Variants in TBC1D9 observed in about 807,000 individuals in gnomAD.
The protein encoded by TBC1D9 is TBC1 domain family member 9.
TBC1D9 carries 63 observed loss-of-function variants against 132.0 expected under a neutral mutation model. That is an observed-to-expected ratio of 0.48 (90% CI 0.39 to 0.59). TBC1D9 has a LOEUF of 0.59. Among genes scored for constraint, TBC1D9 ranks in the 20% least tolerant of loss-of-function variants. The probability of loss-of-function intolerance (pLI) is 0.00; values close to 1 mark genes in which losing one functional copy is unlikely to be tolerated. For synonymous variants in TBC1D9, 610 were observed against 609.9 expected, an observed-to-expected ratio of 1.00 and a Z score of 0.00; for missense variants, 1,261 against 1,592.7, an observed-to-expected ratio of 0.79 and a Z score of 3.54.
chr4:140,692,506 T>C (rs1292666948), intron 2 of TBC1D9, among the ~76,000 whole-genome samples: 1 of 152,190 alleles, frequency 6.6e-6, no homozygotes, highest in Non-Finnish European at 1.5e-5. Context: ...TTGTACTTTC[T>C]ACATCCAGAA....
At chr4:140,660,047 A>G (rs1737333017) in intron 10 of TBC1D9, among the ~76,000 whole-genome samples, 2 of 152,368 alleles carry the variant, frequency 1.3e-5, no homozygotes, top group African/African-American at 4.8e-5. Context: ...AAAGCTTTTA[A>G]CCTGCTAAAA....
intron 6 of TBC1D9, among the ~76,000 whole-genome samples, chr4:140,671,397 T>G (rs116799843): frequency 1.2e-3 from 186 of 152,314 alleles, no homozygotes; most frequent in Admixed American, 2.5e-3. Context: ...AGGAATTATT[T>G]GATTTTCATT....
chr4:140,657,204 T>C lies in TBC1D9; in HGVS notation c.2230A>G (p.Lys744Glu), dbSNP rs1484767368. The C allele has an allele frequency of 5.6e-6, 9 of 1,613,772 alleles. No individual in the cohort carries two copies. In the Admixed American group the frequency reaches 1.3e-4, roughly 24 times the overall value. The stretch of plus-strand genomic sequence containing the variant: ...GGAATGGGAGGCAGTGTGCTGTCTT[T>C]ATTGGTCACACTGTCTAAATACCTG... ...LGRYLDSVTN[K>E]DSTLPPIPHL... The change falls in exon 13 of 21, where the codon AAA becomes GAA. Residue 744 changes from lysine (K) to glutamate (E), a missense_variant. Physicochemically the swap from Lys to Glu is moderately conservative, Grantham distance 56. This residue lies in a region of TBC1D9 where 618 missense variants were observed against 724.4 expected (regional missense o/e 0.85). Coordinates refer to ENST00000442267, the MANE Select transcript of TBC1D9 (RefSeq NM_015130.3).
At chr4:140,679,958 CCT>C in intron 3 of TBC1D9, 115 bp from the exon 4 acceptor site, 2 of 768,978 alleles carry the variant, frequency 2.6e-6, no homozygotes, top group Non-Finnish European at 4.0e-6. Flanking sequence ...TGAGGAATGC[CCT>C]TCAATGGCAA....
rs1047871064 is a variant in TBC1D9, at chr4:140,668,176, G to A, written c.1588+741C>T. On this transcript the variant is annotated intron_variant, in intron 9 of 20. Transcript: ENST00000442267. ...TCCCTGGGATACACTCAGTGCTTTCGGATGGGAGGAAGCAGTGTGAGCTTA... is the reference window on the plus strand; with the variant it reads ...TCCCTGGGATACACTCAGTGCTTTCAGATGGGAGGAAGCAGTGTGAGCTTA... Among the ~76,000 whole-genome samples the A allele has an allele frequency of 3.3e-5, 5 of 152,302 alleles. No homozygotes were observed. In the South Asian group the frequency reaches 8.3e-4, roughly 25 times the overall value.
At chr4:140,633,810 T>C in intron 16 of TBC1D9, 138 bp downstream of exon 16, 2 of 997,550 alleles carry the variant, frequency 2.0e-6, no homozygotes, top group Non-Finnish European at 2.9e-6. Flanking sequence ...ATCCATATAC[T>C]ATGTTCATGA....
chr4:140,639,219 A>G, intron 14 of TBC1D9, 65 bp from the exon 15 acceptor site: 1 of 1,472,414 alleles, frequency 6.8e-7, no homozygotes, highest in Non-Finnish European at 9.3e-7. Flanking sequence ...GAAAATCCCT[A>G]ATTTTTCCCT....
intron 2 of TBC1D9, among the ~76,000 whole-genome samples, chr4:140,690,951 C>T (rs1445937271): frequency 2.0e-5 from 3 of 152,178 alleles, no homozygotes; most frequent in Non-Finnish European, 4.4e-5. Context: ...GGATTCCTAT[C>T]TAGACCCAAC....
chr4:140,667,549 A>G (rs1737467551), intron 9 of TBC1D9, among the ~76,000 whole-genome samples: 2 of 152,224 alleles, frequency 1.3e-5, no homozygotes, highest in South Asian at 2.1e-4. Context: ...AATTATAATT[A>G]GAGATGAGTT....
chr4:140,744,396 A>G (rs1182020825), intron 1 of TBC1D9, among the ~76,000 whole-genome samples: 1 of 152,190 alleles, frequency 6.6e-6, no homozygotes, highest in Non-Finnish European at 1.5e-5. Flanking sequence ...GTGGGTTTTC[A>G]GACATGCTTC....
At chr4:140,695,853 G>A (rs1737947292) in intron 2 of TBC1D9, among the ~76,000 whole-genome samples, 1 of 152,126 alleles carries the variant, frequency 6.6e-6, no homozygotes, top group Non-Finnish European at 1.5e-5. Flanking sequence ...GTGCAAAATA[G>A]TCAATTCACT....
intron 1 of TBC1D9, among the ~76,000 whole-genome samples, chr4:140,732,785 A>C (rs1388017320): frequency 2.0e-5 from 3 of 152,194 alleles, no homozygotes; most frequent in Non-Finnish European, 2.9e-5. Context: ...TGATTATTTG[A>C]ATCAGTAACA....
chr4:140,732,896 C>T (rs943673182), intron 1 of TBC1D9, among the ~76,000 whole-genome samples: 1 of 152,112 alleles, frequency 6.6e-6, no homozygotes, highest in Non-Finnish European at 1.5e-5. Flanking sequence ...TAACAATATA[C>T]ATCATGGTGA....
intron 16 of TBC1D9, among the ~76,000 whole-genome samples, chr4:140,630,269 T>A (rs1159309782): frequency 6.6e-6 from 1 of 152,252 alleles, no homozygotes; most frequent in African/African-American, 2.4e-5. Context: ...TAGGCTAGGA[T>A]AATTTTAGAG....
Position 140,733,487 on chromosome 4 carries a change from T to A in TBC1D9, c.130+22429A>T, listed in dbSNP as rs547741943. On this transcript the variant is annotated intron_variant, in intron 1 of 20. Coordinates refer to ENST00000442267, the MANE Select transcript of TBC1D9 (RefSeq NM_015130.3). ...CTCTGTAATGCCTAGACCTCCATTT[T>A]CCCTATTAATTTCAACAAACACCGC... Among the ~76,000 whole-genome samples the A allele has an allele frequency of 6.6e-5, 10 of 152,300 alleles. No homozygotes were observed. The East Asian group carries it at 1.9e-3, about 29-fold the overall frequency.
At position 140,701,599 on chromosome 4, in the gene TBC1D9, G is replaced by A; in HGVS notation, c.146C>T (p.Thr49Ile). ...GGGLAGLLVGTLDVVLDSSAR... is the reference protein window; with the variant it reads ...GGGLAGLLVGILDVVLDSSAR... ...GCTGGAGTCCAACACAACATCAAGGGTACCCACCAGCAGGCCTGAGGGTGG... is the reference window on the plus strand; with the variant it reads ...GCTGGAGTCCAACACAACATCAAGGATACCCACCAGCAGGCCTGAGGGTGG... The change falls in exon 2 of 21, where the codon ACC (threonine) becomes ATC (isoleucine). Residue 49 changes from threonine to isoleucine, a missense_variant. Physicochemically the swap from Thr to Ile is moderately conservative, Grantham distance 89. Around this residue, in one of 3 missense-constraint regions of TBC1D9, gnomAD observed 550 missense variants for 699.0 expected, o/e 0.79. Transcript: ENST00000442267. The A allele has an allele frequency of 6.2e-7, 1 of 1,613,864 alleles. No individual in the cohort carries two copies. The highest frequency in any genetic ancestry group is 8.5e-7 in the Non-Finnish European group (1 of 1,179,792).
intron 2 of TBC1D9, among the ~76,000 whole-genome samples, chr4:140,688,133 T>G (rs752073155): frequency 3.3e-5 from 5 of 151,440 alleles, no homozygotes; most frequent in Non-Finnish European, 5.9e-5. Context: ...TGGAGAAGAG[T>G]CCAGTGAAAA....
At chr4:140,657,005 C>T in intron 13 of TBC1D9, 92 bp downstream of exon 13, 1 of 1,421,576 alleles carries the variant, frequency 7.0e-7, no homozygotes, top group Non-Finnish European at 9.6e-7. Flanking sequence ...TTTGCCCAGT[C>T]TGTGGTATTC....
At position 140,657,670 on chromosome 4, in the gene TBC1D9, AAAAGG is replaced by A; in HGVS notation, c.2059_2063del (p.Pro687Ter). 1 of 1,613,768 alleles carries A rather than the reference AAAAGG, an allele frequency of 6.2e-7. No homozygotes were observed. Among genetic ancestry groups the A allele is most frequent in the Non-Finnish European group, 8.5e-7 (1 of 1,179,658 alleles). On this transcript the variant is annotated frameshift_variant, in exon 12 of 21. Coordinates refer to ENST00000442267, the MANE Select transcript of TBC1D9 (RefSeq NM_015130.3). LOFTEE classifies it high-confidence loss of function. ...AGTCAACAACCACAACTGCACTCTCAAAAGGCATCACACTGAGAAATAGTGTGAGG... is the reference window on the plus strand; with the variant it reads ...AGTCAACAACCACAACTGCACTCTCACATCACACTGAGAAATAGTGTGAGG...
Sources: gnomAD v4.1 joint callset for allele counts (sites outside exome capture counted in the v4.1 genomes callset) on GRCh38, gnomAD v4.1.1 for gene constraint, gnomAD v4.1.1 regional missense constraint, MANE v1.5 for transcripts, NCBI Gene and HGNC (gene_info 2026-07-23, HGNC 2026-07-21) for gene names.